The following PEBP4 variants were observed in gnomAD, a reference collection of about 807,000 sequenced individuals.
PEBP4 encodes phosphatidylethanolamine binding protein 4.
A neutral mutation model predicts 23.9 loss-of-function variants in PEBP4; 22 were observed. The observed-to-expected ratio is 0.92, with a 90% CI of 0.66 to 1.31. The LOEUF (loss-of-function observed/expected upper bound fraction) is 1.31, where lower values mean the gene tolerates loss of function less well. Among genes scored for constraint, PEBP4 ranks in the 40% most tolerant of loss-of-function variants. The pLI is 0.00. For synonymous variants in PEBP4, 112 were observed against 99.3 expected (o/e 1.13, Z -0.76); for missense variants, 324 against 281.7 (o/e 1.15, Z -1.07).
chr8:22,824,437 C>A (rs568151727), intron 3 of PEBP4, among the ~76,000 whole-genome samples: 1 of 152,142 alleles, frequency 6.6e-6, no homozygotes, highest in Non-Finnish European at 1.5e-5. Context: ...TTTAGGACAG[C>A]GCTCCCCAAT....
At chr8:22,850,774 C>T (rs1257162779) in intron 3 of PEBP4, among the ~76,000 whole-genome samples, 2 of 152,320 alleles carry the variant, frequency 1.3e-5, no homozygotes, top group African/African-American at 4.8e-5. Context: ...AAGACTGCTG[C>T]ATATAGTCAG....
At chr8:22,842,394 G>A (rs1807347531) in intron 3 of PEBP4, among the ~76,000 whole-genome samples, 1 of 152,166 alleles carries the variant, frequency 6.6e-6, no homozygotes, top group South Asian at 2.1e-4. Flanking sequence ...CATGGAAAAC[G>A]GTTCATTTGG....
chr8:22,921,193 T>G (rs368769190), intron 2 of PEBP4, among the ~76,000 whole-genome samples: 53 of 152,354 alleles, frequency 3.5e-4, no homozygotes, highest in African/African-American at 1.2e-3. Context: ...TTGCTTGCCC[T>G]TCTATTATAA....
At chr8:22,853,156 G>A (rs1237064369) in intron 3 of PEBP4, among the ~76,000 whole-genome samples, 2 of 152,208 alleles carry the variant, frequency 1.3e-5, no homozygotes, top group Non-Finnish European at 2.9e-5. Flanking sequence ...AGAACACGGA[G>A]GCTTCATGAC....
chr8:22,836,999 C>A (rs1456614001), intron 3 of PEBP4, among the ~76,000 whole-genome samples: 1 of 152,190 alleles, frequency 6.6e-6, no homozygotes, highest in East Asian at 1.9e-4. Context: ...ACCATCCTAA[C>A]CATTTCCTCC....
chr8:22,826,381 T>C (rs1351686342), intron 3 of PEBP4, among the ~76,000 whole-genome samples: 1 of 152,216 alleles, frequency 6.6e-6, no homozygotes, highest in Admixed American at 6.5e-5. Context: ...TTTTACTCAG[T>C]GATTCCACTT....
chr8:22,810,350 C>T (rs1806592096), intron 4 of PEBP4, among the ~76,000 whole-genome samples: 1 of 152,122 alleles, frequency 6.6e-6, no homozygotes, highest in African/African-American at 2.4e-5. Flanking sequence ...ACAATGCAAA[C>T]AGATAGAACT....
intron 5 of PEBP4, among the ~76,000 whole-genome samples, chr8:22,726,601 G>A (rs942768952): frequency 6.6e-6 from 1 of 152,236 alleles, no homozygotes; most frequent in Non-Finnish European, 1.5e-5. Flanking sequence ...GCCAGGCCCT[G>A]GGCTGTAGGC....
intron 3 of PEBP4, among the ~76,000 whole-genome samples, chr8:22,903,325 A>T (rs886575233): frequency 2.6e-5 from 4 of 152,202 alleles, no homozygotes; most frequent in Non-Finnish European, 5.9e-5. Flanking sequence ...TAAAACGGGG[A>T]TAATGATGGT....
intron 4 of PEBP4, among the ~76,000 whole-genome samples, chr8:22,778,057 C>T (rs1429786460): frequency 6.6e-6 from 1 of 152,158 alleles, no homozygotes; most frequent in Non-Finnish European, 1.5e-5. Flanking sequence ...CTGGGCAGTG[C>T]CATCACGGTT....
intron 4 of PEBP4, among the ~76,000 whole-genome samples, chr8:22,801,771 G>C (rs1424104169): frequency 6.6e-6 from 1 of 151,950 alleles, no homozygotes; most frequent in Non-Finnish European, 1.5e-5. Flanking sequence ...CAGCAGCCCG[G>C]CTCCCAGCCA....
intron 3 of PEBP4, among the ~76,000 whole-genome samples, chr8:22,843,636 A>T (rs948311959): frequency 1.3e-5 from 2 of 152,206 alleles, no homozygotes; most frequent in African/African-American, 4.8e-5. Flanking sequence ...GAAAAGAGAA[A>T]ATAAAATTAG....
chr8:22,751,097 T>C (rs1479979839), intron 4 of PEBP4, among the ~76,000 whole-genome samples: 1 of 152,180 alleles, frequency 6.6e-6, no homozygotes, highest in African/African-American at 2.4e-5. Context: ...TGTCTGAAAC[T>C]TGTGGTAAGA....
chr8:22,870,781 A>T (rs1807991679), intron 3 of PEBP4, among the ~76,000 whole-genome samples: 1 of 152,100 alleles, frequency 6.6e-6, no homozygotes, highest in African/African-American at 2.4e-5. Context: ...TATTGAGAAA[A>T]AGTTGAATGG....
chr8:22,919,323 C>G (rs1201572985), intron 3 of PEBP4, among the ~76,000 whole-genome samples: 1 of 152,210 alleles, frequency 6.6e-6, no homozygotes, highest in Non-Finnish European at 1.5e-5. Flanking sequence ...CTTCCATCTC[C>G]AGGCATTTGT....
chr8:22,819,483 T>A (rs915083464), intron 3 of PEBP4, among the ~76,000 whole-genome samples: 1 of 152,194 alleles, frequency 6.6e-6, no homozygotes. Flanking sequence ...GAATTGGAGA[T>A]AGCTGTTAGA....
At chr8:22,779,718 G>A (rs1445319474) in intron 4 of PEBP4, among the ~76,000 whole-genome samples, 2 of 152,240 alleles carry the variant, frequency 1.3e-5, no homozygotes, top group Admixed American at 6.5e-5. Context: ...ACTGGGAAGG[G>A]TGAGGAAAGT....
intron 4 of PEBP4, among the ~76,000 whole-genome samples, chr8:22,778,755 C>T (rs183380803): frequency 1.5e-4 from 23 of 152,240 alleles, no homozygotes; most frequent in African/African-American, 2.9e-4. Context: ...GCTGGGCTCC[C>T]GGATGGCTCC....
At chr8:22,938,699 T>A (rs73557825) in intron 1 of PEBP4, among the ~76,000 whole-genome samples, 12 of 152,170 alleles carry the variant, frequency 7.9e-5, no homozygotes, top group African/African-American at 2.2e-4. Context: ...AAGGTCACAC[T>A]TCCCCCCCAT....
Sources: gnomAD v4.1 joint callset for allele counts (sites outside exome capture counted in the v4.1 genomes callset) on GRCh38, gnomAD v4.1.1 for gene constraint, MANE v1.5 for transcripts, NCBI Gene and HGNC (gene_info 2026-07-23, HGNC 2026-07-21) for gene names.